KLF16: variants seen among roughly 807,000 people sequenced by gnomAD.
KLF16 encodes the protein KLF transcription factor 16, also known as Krueppel-like factor 16.
In KLF16, 6 loss-of-function variants were observed where a neutral mutation model predicts 6.1. That is an observed-to-expected ratio of 0.98 (90% CI 0.54 to 1.93). The LOEUF (loss-of-function observed/expected upper bound fraction) is 1.93. KLF16 is among the 30% of genes most tolerant of loss of function. The pLI is 0.01. For missense variants in KLF16, 355 were observed against 363.8 expected (o/e 0.98, Z 0.20); for synonymous variants, 211 against 176.5 (o/e 1.20, Z -1.55).
chr19:1,876,474 C>T, the KLF16 span, among the ~76,000 whole-genome samples: 2 of 152,340 alleles, frequency 1.3e-5, no homozygotes, highest in African/African-American at 4.8e-5. Flanking sequence ...CTCCCTCTTC[C>T]AGGGGAGACC....
At chr19:1,871,541 T>C in the KLF16 span, among the ~76,000 whole-genome samples, 10 of 152,336 alleles carry the variant, frequency 6.6e-5, no homozygotes, top group Admixed American at 3.9e-4. Context: ...TTTACATTAC[T>C]GCAGGTGTTG....
At position 1,853,407 on chromosome 19, in the gene KLF16, A is replaced by C. The variant is rs1241883761; in HGVS notation, c.*1052T>G. Reference sequence around the variant, plus strand: ...CCACCTCTTCCAAGCACCCAGGAGAAGGAGGGGAGGCCAGGGAAGCAGGGC... The same window carrying C: ...CCACCTCTTCCAAGCACCCAGGAGACGGAGGGGAGGCCAGGGAAGCAGGGC... On this transcript the variant is annotated 3_prime_UTR_variant, in exon 2 of 2. Coordinates refer to ENST00000250916, the MANE Select transcript of KLF16 (RefSeq NM_031918.4). 3 of 152,456 alleles carry C rather than the reference A, an allele frequency of 2.0e-5. No homozygotes were observed. Among genetic ancestry groups the C allele is most frequent in the African/African-American group, 7.2e-5 (3 of 41,446 alleles). The allele number at this position is 152,456 out of a possible 1,614,324, so 9.4% of individuals were successfully genotyped here.
chr19:1,863,606 A>AGGC (rs1407587770), upstream of KLF16: 1 of 359,988 alleles, frequency 2.8e-6, no homozygotes, highest in African/African-American at 2.3e-5. Flanking sequence ...GAGGAGGAGG[A>AGGC]GGCCCGGCGC....
upstream of KLF16, among the ~76,000 whole-genome samples, chr19:1,867,927 CGTGTGTGTGTGTGTGTGTGTGT>C (rs71174389): frequency 4.1e-5 from 6 of 147,866 alleles, no homozygotes; most frequent in Admixed American, 2.0e-4. Flanking sequence ...TATGTAAGGA[CGTGTGTGTGTGTGTGTGTGTGT>C]GTGTGTGTGT....
At chr19:1,873,593 G>A in the KLF16 span, among the ~76,000 whole-genome samples, 228 of 151,976 alleles carry the variant, frequency 1.5e-3, no homozygotes, top group Admixed American at 4.4e-3. Flanking sequence ...CCGGGAGAAC[G>A]CTGTTGCAGG....
chr19:1,866,965 C>G (rs1364574074), upstream of KLF16, among the ~76,000 whole-genome samples: 1 of 152,154 alleles, frequency 6.6e-6, no homozygotes, highest in African/African-American at 2.4e-5. Context: ...CACCTCTACC[C>G]TTCCCTGACA....
the KLF16 span, among the ~76,000 whole-genome samples, chr19:1,870,966 G>A: frequency 1.1e-4 from 17 of 152,282 alleles, no homozygotes; most frequent in Middle Eastern, 3.4e-3. Context: ...ACTGCACTCC[G>A]GCCTGGGCCA....
At chr19:1,867,479 G>A (rs1378355460), upstream of KLF16, among the ~76,000 whole-genome samples, 1 of 152,238 alleles carries the variant, frequency 6.6e-6, no homozygotes, top group African/African-American at 2.4e-5. Flanking sequence ...GGAGGCCGAG[G>A]CGGGAGGATT....
chr19:1,871,267 C>T, the KLF16 span, among the ~76,000 whole-genome samples: 1 of 152,194 alleles, frequency 6.6e-6, no homozygotes, highest in East Asian at 1.9e-4. Flanking sequence ...TGTTTATTCA[C>T]GGATGACCTT....
intron 1 of KLF16, among the ~76,000 whole-genome samples, chr19:1,856,186 C>T (rs1057418837): frequency 2.0e-5 from 3 of 152,050 alleles, no homozygotes; most frequent in Non-Finnish European, 4.4e-5. Context: ...GGTACAGAGA[C>T]GGCGGGAGGG....
chr19:1,871,099 G>A, the KLF16 span, among the ~76,000 whole-genome samples: 3 of 152,204 alleles, frequency 2.0e-5, no homozygotes, highest in African/African-American at 4.8e-5. Flanking sequence ...TATCAGCGGC[G>A]GGGTCACAGA....
intron 1 of KLF16, chr19:1,861,970 G>A (rs1457501375): frequency 6.6e-6 from 1 of 152,246 alleles, no homozygotes; most frequent in Admixed American, 6.5e-5. Context: ...CTATGGCTAT[G>A]AAATAGAGGC....
chr19:1,867,280 G>A (rs938796313), upstream of KLF16, among the ~76,000 whole-genome samples: 34 of 152,198 alleles, frequency 2.2e-4, no homozygotes, highest in African/African-American at 6.8e-4. Flanking sequence ...CCAAAAACAA[G>A]GCTGCAGGGC....
intron 1 of KLF16, among the ~76,000 whole-genome samples, chr19:1,862,640 G>A (rs2012089837): frequency 6.6e-6 from 1 of 151,714 alleles, no homozygotes; most frequent in African/African-American, 2.4e-5. Context: ...AACTGAGGCT[G>A]GGGGAGGGGG....
At chr19:1,862,812 C>A (rs1023668387) in intron 1 of KLF16, 7 of 356,118 alleles carry the variant, frequency 2.0e-5, no homozygotes, top group Admixed American at 4.8e-5. Flanking sequence ...GCCCCCGGAG[C>A]CCCCGCCACT....
At chr19:1,873,784 G>A in the KLF16 span, among the ~76,000 whole-genome samples, 1 of 152,254 alleles carries the variant, frequency 6.6e-6, no homozygotes, top group Non-Finnish European at 1.5e-5. Flanking sequence ...CAAGAGCAGG[G>A]GGTGGTGGGG....
intron 1 of KLF16, among the ~76,000 whole-genome samples, chr19:1,855,049 C>T (rs946129629): frequency 6.6e-6 from 1 of 152,200 alleles, no homozygotes; most frequent in African/African-American, 2.4e-5. Flanking sequence ...GCCGCAGACC[C>T]CCAAGGCTGA....
At chr19:1,869,482 T>TA in the KLF16 span, among the ~76,000 whole-genome samples, 2 of 151,986 alleles carry the variant, frequency 1.3e-5, no homozygotes, top group African/African-American at 2.4e-5. Flanking sequence ...TCCAGCTCAA[T>TA]AAAAAAAGAA....
chr19:1,854,749 A>G lies in KLF16; in HGVS notation c.469T>C (p.Phe157Leu). 1 of 1,598,560 alleles carries G rather than the reference A, an allele frequency of 6.3e-7. No homozygotes were observed. The highest frequency in any genetic ancestry group is 8.5e-7 in the Non-Finnish European group (1 of 1,179,450). ...HLRTHTGERP[F>L]ACDWQGCDKK... ...TCGCAGCCCTGCCAGTCACAAGCAAAAGGGCGTTCCCCTGGACGGAGAGAC... is the reference window on the plus strand; with the variant it reads ...TCGCAGCCCTGCCAGTCACAAGCAAGAGGGCGTTCCCCTGGACGGAGAGAC... Residue 157 changes from phenylalanine (F) to leucine (L), a missense_variant, in exon 2 of 2, where the codon TTT becomes CTT. Coordinates refer to ENST00000250916, the MANE Select transcript of KLF16 (RefSeq NM_031918.4).
Sources: allele counts gnomAD v4.1 joint callset (sites outside exome capture counted in the v4.1 genomes callset), GRCh38; gene constraint gnomAD v4.1.1; transcripts MANE v1.5; gene names NCBI Gene and HGNC (gene_info 2026-07-23, HGNC 2026-07-21).